Variants in GNAL observed in about 807,000 individuals in gnomAD.
The protein encoded by GNAL is G protein subunit alpha L, also known as guanine nucleotide-binding protein G(olf) subunit alpha.
GNAL carries 18 observed loss-of-function variants against 55.1 expected under a neutral mutation model. That is an observed-to-expected ratio of 0.33 (90% confidence interval 0.23 to 0.48). The LOEUF is 0.48. Among genes scored for constraint, GNAL ranks in the 20% least tolerant of loss-of-function variants. The pLI is 0.99. For synonymous variants in GNAL, 253 were observed against 237.0 expected (o/e 1.07, Z -0.62); for missense variants, 412 against 614.1 (o/e 0.67, Z 3.48).
chr18:11,818,066 T>TAAAA, intron 4 of GNAL, among the ~76,000 whole-genome samples: 1 of 134,082 alleles, frequency 7.5e-6, no homozygotes, highest in South Asian at 2.4e-4. Context: ...TACTAAAAAT[T>TAAAA]AAAAAAAAAA....
At position 11,846,464 on chromosome 18, in the gene GNAL, T is replaced by TACACACACACACAC. The variant is rs57334090; in HGVS notation, c.723-15915_723-15902dup. Among the ~76,000 whole-genome samples the TACACACACACACAC allele has an allele frequency of 3.5e-3, 487 of 140,090 alleles. 3 individuals carry two copies. Among genetic ancestry groups the TACACACACACACAC allele is most frequent in the African/African-American group, 7.2e-3 (270 of 37,358 alleles). The allele number at this position is 140,090 out of a possible 152,430, so 91.9% of individuals were successfully genotyped here. Reference sequence around the variant, plus strand: ...ATAAATATAAATATATATATAAATATACACACACACACACACACACACACA... The same window carrying TACACACACACACAC: ...ATAAATATAAATATATATATAAATATACACACACACACACACACACACACACACACACACACACA... On this transcript the variant is annotated intron_variant, in intron 5 of 11. Coordinates refer to ENST00000334049, the MANE Select transcript of GNAL (RefSeq NM_182978.4).
chr18:11,754,991 A>AGT (rs1170620927), intron 4 of GNAL, among the ~76,000 whole-genome samples: 10 of 112,794 alleles, frequency 8.9e-5, no homozygotes, highest in African/African-American at 2.8e-4. Context: ...ACCAGAAGTG[A>AGT]GTGTGTATGT....
chr18:11,809,230 C>T (rs149757411), intron 4 of GNAL, among the ~76,000 whole-genome samples: 30 of 151,916 alleles, frequency 2.0e-4, no homozygotes, highest in African/African-American at 7.0e-4. Context: ...TGCCCTCCAG[C>T]CTGGGCGACA....
intron 4 of GNAL, among the ~76,000 whole-genome samples, chr18:11,769,554 G>C (rs144103206): frequency 6.6e-6 from 1 of 152,222 alleles, no homozygotes; most frequent in East Asian, 1.9e-4. Context: ...GAAAAATGAA[G>C]AGCATCATCT....
intron 4 of GNAL, among the ~76,000 whole-genome samples, chr18:11,772,009 CCT>C (rs2033651032): frequency 6.6e-6 from 1 of 152,164 alleles, no homozygotes; most frequent in Admixed American, 6.5e-5. Flanking sequence ...GTGCCCCGCC[CCT>C]GTGTGCAAAT....
intron 1 of GNAL, among the ~76,000 whole-genome samples, chr18:11,698,804 A>G (rs1018780029): frequency 6.6e-6 from 1 of 152,174 alleles, no homozygotes; most frequent in Non-Finnish European, 1.5e-5. Flanking sequence ...TCCGCTTTCT[A>G]AACATTCAGG....
At chr18:11,750,468 G>C (rs1446057797) in intron 1 of GNAL, among the ~76,000 whole-genome samples, 1 of 152,118 alleles carries the variant, frequency 6.6e-6, no homozygotes, top group Non-Finnish European at 1.5e-5. Flanking sequence ...GGGTTGAGAG[G>C]CTGTGCTGTG....
At chr18:11,877,411 C>T (rs1390485484) in intron 11 of GNAL, among the ~76,000 whole-genome samples, 6 of 152,228 alleles carry the variant, frequency 3.9e-5, no homozygotes, top group African/African-American at 1.2e-4. Flanking sequence ...GCCGAGACCA[C>T]ACCACTGCAC....
chr18:11,790,646 CTTTTCTTTTT>C (rs1416560517), intron 4 of GNAL, among the ~76,000 whole-genome samples: 2,033 of 124,292 alleles, frequency 0.016, 58 homozygotes, highest in African/African-American at 0.056. Flanking sequence ...CTTTTCTTTT[CTTTTCTTTTT>C]TTTTCTTTTT....
intron 4 of GNAL, among the ~76,000 whole-genome samples, chr18:11,760,991 G>A (rs1220196669): frequency 2.6e-5 from 4 of 152,176 alleles, no homozygotes; most frequent in African/African-American, 4.8e-5. Context: ...GGACATGGGC[G>A]GTACAGCTTT....
At chr18:11,766,481 A>C (rs1352443974) in intron 4 of GNAL, among the ~76,000 whole-genome samples, 11 of 152,202 alleles carry the variant, frequency 7.2e-5, no homozygotes, top group Non-Finnish European at 1.2e-4. Context: ...CAGCACCCCC[A>C]GAGTCCCCAG....
chr18:11,758,518 G>A (rs752042883), intron 4 of GNAL, among the ~76,000 whole-genome samples: 7 of 152,144 alleles, frequency 4.6e-5, no homozygotes, highest in Non-Finnish European at 7.4e-5. Flanking sequence ...CAGCAAACCG[G>A]CAGGATATTT....
intron 1 of GNAL, among the ~76,000 whole-genome samples, chr18:11,703,297 A>G (rs1374461580): frequency 2.0e-5 from 3 of 152,242 alleles, no homozygotes; most frequent in Non-Finnish European, 4.4e-5. Flanking sequence ...AAACTCCTGC[A>G]TCTGCTTTAA....
At chr18:11,779,159 A>G (rs758594254) in intron 4 of GNAL, among the ~76,000 whole-genome samples, 9 of 152,202 alleles carry the variant, frequency 5.9e-5, no homozygotes, top group Non-Finnish European at 1.2e-4. Flanking sequence ...AATACACTGC[A>G]GTGTGAAGAA....
chr18:11,731,154 G>T lies in GNAL; in HGVS notation c.377-21699G>T, dbSNP rs9959548. Among the ~76,000 whole-genome samples, 210 of 152,290 alleles carry T rather than the reference G, an allele frequency of 1.4e-3. 1 individual carries two copies. The highest frequency in any genetic ancestry group is 4.9e-3 in the African/African-American group (204 of 41,574). On this transcript the variant is annotated intron_variant, in intron 1 of 11. Coordinates refer to ENST00000334049, the MANE Select transcript of GNAL (RefSeq NM_182978.4). ...GGCCAGGAATTCAGTTTTTGTTGTT[G>T]TTGTTGTTTTTGAGACGGAGTCTCA...
intron 4 of GNAL, among the ~76,000 whole-genome samples, chr18:11,783,620 C>T (rs2033981102): frequency 6.6e-6 from 1 of 152,122 alleles, no homozygotes; most frequent in African/African-American, 2.4e-5. Context: ...ATGCAATCCA[C>T]CTATGTAATT....
chr18:11,723,407 G>A (rs1316003632), intron 1 of GNAL, among the ~76,000 whole-genome samples: 1 of 152,202 alleles, frequency 6.6e-6, no homozygotes, highest in African/African-American at 2.4e-5. Flanking sequence ...CAGGCAGCAA[G>A]ACAGATTTAG....
intron 1 of GNAL, among the ~76,000 whole-genome samples, chr18:11,725,143 C>T (rs954549440): frequency 6.6e-6 from 1 of 152,192 alleles, no homozygotes; most frequent in African/African-American, 2.4e-5. Flanking sequence ...TAGGGGCTGC[C>T]TCCCACAAAA....
intron 5 of GNAL, among the ~76,000 whole-genome samples, chr18:11,844,349 G>A (rs984608021): frequency 2.6e-5 from 4 of 152,094 alleles, no homozygotes; most frequent in Non-Finnish European, 4.4e-5. Context: ...CAGGAGAATC[G>A]CTTGAACCCG....
Sources: gnomAD v4.1 joint callset for allele counts (sites outside exome capture counted in the v4.1 genomes callset) on GRCh38, gnomAD v4.1.1 for gene constraint, MANE v1.5 for transcripts, NCBI Gene and HGNC (gene_info 2026-07-23, HGNC 2026-07-21) for gene names.